Variants in NUBPL observed in about 807,000 individuals in gnomAD.
NUBPL encodes the protein iron-sulfur cluster transfer protein NUBPL.
A neutral mutation model predicts 45.7 loss-of-function variants in NUBPL; 31 were observed. The ratio of observed to expected loss-of-function variants is 0.68; its 90% CI spans 0.51 to 0.92. NUBPL has a LOEUF of 0.92. Among genes scored for constraint, NUBPL ranks in the 40% least tolerant of loss-of-function variants. The pLI is 0.00. For synonymous variants in NUBPL, 144 were observed against 140.9 expected, an observed-to-expected ratio of 1.02 and a Z score of -0.15; for missense variants, 401 against 398.7, an observed-to-expected ratio of 1.01 and a Z score of -0.05.
chr14:31,605,019 G>A (rs937126632), intron 4 of NUBPL, among the ~76,000 whole-genome samples: 1 of 152,204 alleles, frequency 6.6e-6, no homozygotes, highest in Non-Finnish European at 1.5e-5. Flanking sequence ...ACTTTGGGAA[G>A]CTAGTGGGAT....
chr14:31,606,254 G>A (rs2034597020), intron 4 of NUBPL, among the ~76,000 whole-genome samples: 1 of 151,352 alleles, frequency 6.6e-6, no homozygotes, highest in African/African-American at 2.4e-5. Flanking sequence ...CCACCATACT[G>A]GCTAATTTTT....
At chr14:31,748,444 A>T (rs1220552503) in intron 6 of NUBPL, among the ~76,000 whole-genome samples, 2 of 152,092 alleles carry the variant, frequency 1.3e-5, no homozygotes, top group Non-Finnish European at 2.9e-5. Flanking sequence ...CTCTTCCCTT[A>T]GACTGAATAT....
At chr14:31,838,034 G>A (rs2040309635) in intron 8 of NUBPL, among the ~76,000 whole-genome samples, 1 of 152,088 alleles carries the variant, frequency 6.6e-6, no homozygotes, top group Non-Finnish European at 1.5e-5. Context: ...ATGTAAGGAA[G>A]AGTCTAAGTA....
At chr14:31,592,644 T>C (rs984239548) in intron 3 of NUBPL, among the ~76,000 whole-genome samples, 3 of 152,252 alleles carry the variant, frequency 2.0e-5, no homozygotes, top group Non-Finnish European at 4.4e-5. Context: ...AGGACCTCTT[T>C]AATGTTATTG....
At chr14:31,669,797 G>GTTTTTTTTTTTTTTTTT (rs1211411877) in intron 4 of NUBPL, among the ~76,000 whole-genome samples, 1 of 68,610 alleles carries the variant, frequency 1.5e-5, no homozygotes, top group Non-Finnish European at 2.5e-5. Context: ...CATGATCTTG[G>GTTTTTTTTTTTTTTTTT]TTTTTTTTTT....
chr14:31,700,312 G>A (rs910216154), intron 6 of NUBPL, among the ~76,000 whole-genome samples: 19 of 152,112 alleles, frequency 1.2e-4, no homozygotes, highest in African/African-American at 4.3e-4. Context: ...CTGTTAAGAG[G>A]GATTTGTGGA....
intron 6 of NUBPL, among the ~76,000 whole-genome samples, chr14:31,679,464 A>G (rs903311952): frequency 1.3e-5 from 2 of 152,080 alleles, no homozygotes; most frequent in African/African-American, 4.8e-5. Flanking sequence ...ATAAGGGTCA[A>G]TGTTTATAAT....
intron 6 of NUBPL, among the ~76,000 whole-genome samples, chr14:31,703,983 G>C (rs539852020): frequency 6.6e-6 from 1 of 152,138 alleles, no homozygotes; most frequent in Admixed American, 6.5e-5. Context: ...CTACTGGGTC[G>C]GCGAGAAGAG....
intron 8 of NUBPL, among the ~76,000 whole-genome samples, chr14:31,832,669 A>G (rs1161135763): frequency 6.6e-6 from 1 of 152,200 alleles, no homozygotes; most frequent in African/African-American, 2.4e-5. Flanking sequence ...GTTTCAAATT[A>G]AATTGCTTTC....
At chr14:31,684,737 A>C (rs1308454062) in intron 6 of NUBPL, among the ~76,000 whole-genome samples, 1 of 152,080 alleles carries the variant, frequency 6.6e-6, no homozygotes, top group Non-Finnish European at 1.5e-5. Flanking sequence ...TTTTTCGTTT[A>C]GTGCTACACA....
At chr14:31,772,382 A>G (rs1303272319) in intron 6 of NUBPL, among the ~76,000 whole-genome samples, 1 of 152,156 alleles carries the variant, frequency 6.6e-6, no homozygotes, top group Non-Finnish European at 1.5e-5. Context: ...TCCTTCAATA[A>G]CATCACCTTC....
intron 6 of NUBPL, among the ~76,000 whole-genome samples, chr14:31,692,147 T>C (rs2037108732): frequency 6.6e-6 from 1 of 152,226 alleles, no homozygotes; most frequent in Non-Finnish European, 1.5e-5. Context: ...TCTCTTGATA[T>C]TTGAAACAAT....
At chr14:31,782,709 C>T (rs2039213688) in intron 6 of NUBPL, among the ~76,000 whole-genome samples, 1 of 151,736 alleles carries the variant, frequency 6.6e-6, no homozygotes, top group South Asian at 2.1e-4. Context: ...ATGGTTTGAA[C>T]CTGGGAGACG....
In NUBPL at chr14:31,574,582, CTTTTTTTT is replaced by C. The variant is rs71115022; in HGVS notation, c.291+9550_291+9557del. On this transcript the variant is annotated intron_variant, in intron 3 of 10. Coordinates refer to ENST00000281081, the MANE Select transcript of NUBPL (RefSeq NM_025152.3). ...GCCTGGCCTACTCGATTCTTTCCTT[CTTTTTTTT>C]TTTTTTTTTTTTTTTGGAGAGATGG... Among the ~76,000 whole-genome samples, 59 of 66,954 alleles carry C rather than the reference CTTTTTTTT, an allele frequency of 8.8e-4. No individual in the cohort carries two copies. In the East Asian group the frequency reaches 0.016, roughly 18 times the overall value. 43.9% of individuals were successfully genotyped at this position (66,954 alleles called of 152,430 possible). A position where few individuals can be genotyped will look rare whatever the true frequency, so the allele number is the denominator to read the frequency against.
intron 3 of NUBPL, chr14:31,578,130 A>G (rs534385272): frequency 1.5e-4 from 77 of 503,576 alleles, no homozygotes; most frequent in African/African-American, 1.5e-3. Context: ...AATCATTTTG[A>G]CTTGGGAGAA....
At chr14:31,837,532 A>G (rs1425574042) in intron 8 of NUBPL, among the ~76,000 whole-genome samples, 3 of 152,200 alleles carry the variant, frequency 2.0e-5, no homozygotes, top group Non-Finnish European at 2.9e-5. Flanking sequence ...TTTAGTAGCC[A>G]TATTTTAAAT....
intron 6 of NUBPL, among the ~76,000 whole-genome samples, chr14:31,704,672 A>T (rs911346643): frequency 6.6e-6 from 1 of 152,116 alleles, no homozygotes; most frequent in Non-Finnish European, 1.5e-5. Context: ...CTTAAAAAAA[A>T]AAAAGTGTAA....
chr14:31,676,094 C>T (rs1355696604), intron 6 of NUBPL, among the ~76,000 whole-genome samples: 1 of 151,724 alleles, frequency 6.6e-6, no homozygotes, highest in African/African-American at 2.4e-5. Context: ...GCCATCTCAG[C>T]TCACTGCAAC....
chr14:31,667,121 C>T (rs1050444136), intron 4 of NUBPL, among the ~76,000 whole-genome samples: 1 of 152,220 alleles, frequency 6.6e-6, no homozygotes, highest in Admixed American at 6.5e-5. Context: ...GGAAGTTCTC[C>T]TGGATGATAT....
Sources: allele counts gnomAD v4.1 joint callset (sites outside exome capture counted in the v4.1 genomes callset), GRCh38; gene constraint gnomAD v4.1.1; transcripts MANE v1.5; gene names NCBI Gene and HGNC (gene_info 2026-07-23, HGNC 2026-07-21).